The following HMGN3 variants were observed in gnomAD, a reference collection of about 807,000 sequenced individuals.
HMGN3 encodes the protein high mobility group nucleosome-binding domain-containing protein 3.
A neutral mutation model predicts 18.8 loss-of-function variants in HMGN3; 6 were observed. That is an observed-to-expected ratio of 0.32 (90% CI 0.18 to 0.63). The LOEUF (loss-of-function observed/expected upper bound fraction) is 0.63. HMGN3 is among the 30% of genes least tolerant of loss of function. The pLI is 0.79. For missense variants in HMGN3, 107 were observed against 114.2 expected (o/e 0.94, Z 0.29); for synonymous variants, 40 against 36.5 (o/e 1.10, Z -0.35).
At chr6:79,203,057 A>G (rs962028529) in intron 4 of HMGN3, among the ~76,000 whole-genome samples, 1 of 152,206 alleles carries the variant, frequency 6.6e-6, no homozygotes, top group Non-Finnish European at 1.5e-5. Flanking sequence ...TCTGCAAAAC[A>G]GGATATTTGT....
chr6:79,215,021 G>T, exon 2 of HMGN3: 2 of 1,487,484 alleles, frequency 1.3e-6, no homozygotes, highest in Non-Finnish European at 9.2e-7. Flanking sequence ...ATTCTCTGGA[G>T]ACTAGAAAGA....
intron 1 of HMGN3, among the ~76,000 whole-genome samples, chr6:79,228,613 A>T (rs1324791149): frequency 2.0e-5 from 3 of 152,262 alleles, no homozygotes; most frequent in Admixed American, 6.5e-5. Context: ...ACATGAAAAC[A>T]TAAAAGACTG....
At chr6:79,230,928 C>T (rs975347819) in intron 1 of HMGN3, among the ~76,000 whole-genome samples, 13 of 152,070 alleles carry the variant, frequency 8.5e-5, no homozygotes, top group African/African-American at 2.9e-4. Context: ...GTTAAGCATC[C>T]CCTGTGCTAA....
chr6:79,217,127 A>C (rs1777030247), intron 1 of HMGN3, among the ~76,000 whole-genome samples: 1 of 152,216 alleles, frequency 6.6e-6, no homozygotes, highest in African/African-American at 2.4e-5. Context: ...AAAAGCAGGT[A>C]CACTGAAAAT....
intron 2 of HMGN3, among the ~76,000 whole-genome samples, chr6:79,212,996 C>T (rs1332919280): frequency 2.0e-5 from 3 of 151,648 alleles, no homozygotes; most frequent in Non-Finnish European, 4.4e-5. Flanking sequence ...ATCTAGAAAC[C>T]ATTTTTATTA....
At position 79,203,456 on chromosome 6, in the gene HMGN3, G is replaced by GTT. The variant is rs1429096773; in HGVS notation, c.147+123_147+124insAA. On this transcript the variant is annotated intron_variant, in intron 4 of 5. Transcript: ENST00000344726. ...GTGCTTTATGCCTTTAAGCAAGCCC[G>GTT]TAACAGTGGTAATGGTTTCAGTTTG... 4.7e-6 allele frequency: 4 copies of GTT among 854,360 alleles called. No homozygotes were observed. The African/African-American group carries it at 6.9e-5, about 15-fold the overall frequency. 52.9% of individuals were successfully genotyped at this position (854,360 alleles called of 1,614,324 possible).
chr6:79,215,047 T>C (rs779107470), intron 1 of HMGN3, 25 bp from the exon 2 acceptor site: 1 of 1,363,134 alleles, frequency 7.3e-7, no homozygotes, highest in South Asian at 1.3e-5. Context: ...TTTCAGTGAA[T>C]TGTATTTAAA....
chr6:79,205,375 G>A (rs2127813328), intron 3 of HMGN3, among the ~76,000 whole-genome samples: 1 of 152,336 alleles, frequency 6.6e-6, no homozygotes. Context: ...AATTATGGGG[G>A]TGGGTCTTTC....
rs144941877 is a variant in HMGN3 at position 79,206,851 on chromosome 6, G to A, written c.96+1696C>T. Among the ~76,000 whole-genome samples, 533 of 152,336 alleles carry A rather than the reference G, an allele frequency of 3.5e-3. 4 individuals carry two copies. Among genetic ancestry groups the A allele is most frequent in the African/African-American group, 0.012 (492 of 41,570 alleles). The stretch of plus-strand genomic sequence containing the variant: ...TATCCTGAAAAGCCACAGGGGCGGA[G>A]TTACCCAAGACCATGGAAACCCACG... On this transcript the variant is annotated intron_variant, in intron 3 of 5. Transcript: ENST00000344726.
intron 1 of HMGN3, chr6:79,233,667 T>A (rs1186002855): frequency 6.6e-6 from 1 of 152,202 alleles, no homozygotes; most frequent in Non-Finnish European, 1.5e-5. Flanking sequence ...TTTGTGTCCC[T>A]GAATGTAGTA....
intron 1 of HMGN3, among the ~76,000 whole-genome samples, chr6:79,226,320 T>C (rs1370244053): frequency 1.3e-5 from 2 of 152,132 alleles, no homozygotes; most frequent in African/African-American, 4.8e-5. Flanking sequence ...TGTGGGGAAG[T>C]CTGTTAACCT....
chr6:79,220,424 T>C (rs1777214954), intron 1 of HMGN3, among the ~76,000 whole-genome samples: 1 of 152,200 alleles, frequency 6.6e-6, no homozygotes, highest in African/African-American at 2.4e-5. Context: ...GTAATACATG[T>C]ACAGGACTAC....
At chr6:79,226,067 T>A (rs755756211) in intron 1 of HMGN3, among the ~76,000 whole-genome samples, 1 of 152,258 alleles carries the variant, frequency 6.6e-6, no homozygotes, top group Admixed American at 6.5e-5. Flanking sequence ...AATAAACATA[T>A]ACAGAAAGTA....
chr6:79,215,795 T>C (rs1317829707), intron 1 of HMGN3, among the ~76,000 whole-genome samples: 1 of 152,236 alleles, frequency 6.6e-6, no homozygotes, highest in Non-Finnish European at 1.5e-5. Context: ...TCCCAATATT[T>C]TTTATTGGCT....
intron 1 of HMGN3, among the ~76,000 whole-genome samples, chr6:79,222,084 G>A (rs532940669): frequency 3.8e-4 from 58 of 152,232 alleles, no homozygotes; most frequent in African/African-American, 1.3e-3. Flanking sequence ...CCATTTGCCA[G>A]CAGCCCCAGA....
chr6:79,206,115 C>A (rs933147076), intron 3 of HMGN3, among the ~76,000 whole-genome samples: 2 of 152,088 alleles, frequency 1.3e-5, no homozygotes, highest in East Asian at 1.9e-4. Context: ...GGAAACAGAG[C>A]AGAAAAGTTT....
chr6:79,234,092 C>T, intron 1 of HMGN3: 1 of 156,608 alleles, frequency 6.4e-6, no homozygotes, highest in South Asian at 1.9e-4. Flanking sequence ...ACCCAGCCCG[C>T]GAGTACAGCC....
chr6:79,229,243 T>G (rs1346308855), intron 1 of HMGN3, among the ~76,000 whole-genome samples: 1 of 152,118 alleles, frequency 6.6e-6, no homozygotes, highest in Non-Finnish European at 1.5e-5. Flanking sequence ...AAAGACACCA[T>G]TAAGAAAAAA....
chr6:79,226,936 A>G (rs1777592179), intron 1 of HMGN3, among the ~76,000 whole-genome samples: 1 of 152,238 alleles, frequency 6.6e-6, no homozygotes, highest in Non-Finnish European at 1.5e-5. Context: ...TTCTTCTAAG[A>G]AGACAGTGAA....
Sources: gnomAD v4.1 joint callset for allele counts (sites outside exome capture counted in the v4.1 genomes callset) on GRCh38, gnomAD v4.1.1 for gene constraint, MANE v1.5 for transcripts, NCBI Gene and HGNC (gene_info 2026-07-23, HGNC 2026-07-21) for gene names.